Variants in PPP1R9A observed in about 807,000 individuals in gnomAD.
PPP1R9A encodes protein phosphatase 1 regulatory subunit 9A.
A neutral mutation model predicts 141.9 loss-of-function variants in PPP1R9A; 59 were observed. That is an observed-to-expected ratio of 0.42 (90% CI 0.34 to 0.52). The LOEUF is 0.52. PPP1R9A is among the 20% of genes least tolerant of loss of function. The probability of loss-of-function intolerance (pLI) is 0.10; values close to 1 mark genes in which losing one functional copy is unlikely to be tolerated. For missense variants in PPP1R9A, 1,444 were observed against 1,611.9 expected (o/e 0.90, Z 1.78); for synonymous variants, 500 against 569.7 (o/e 0.88, Z 1.74).
intron 5 of PPP1R9A, among the ~76,000 whole-genome samples, chr7:95,192,800 A>G (rs1835699643): frequency 6.6e-6 from 1 of 151,926 alleles, no homozygotes; most frequent in South Asian, 2.1e-4. Context: ...CTCTGAATTC[A>G]TAACTGAAAT....
At chr7:94,915,265 G>C (rs1466944490) in intron 2 of PPP1R9A, among the ~76,000 whole-genome samples, 2 of 152,074 alleles carry the variant, frequency 1.3e-5, no homozygotes, top group Non-Finnish European at 2.9e-5. Flanking sequence ...CTTTTTGGGG[G>C]CTCCGAGTCA....
intron 2 of PPP1R9A, among the ~76,000 whole-genome samples, chr7:95,011,524 C>T (rs1244539697): frequency 2.0e-5 from 3 of 152,166 alleles, no homozygotes; most frequent in Non-Finnish European, 2.9e-5. Context: ...GATTCCTTTT[C>T]TGCTCTTCTG....
At chr7:95,079,099 G>A (rs753402105) in intron 2 of PPP1R9A, among the ~76,000 whole-genome samples, 6 of 152,296 alleles carry the variant, frequency 3.9e-5, no homozygotes, top group East Asian at 1.9e-4. Flanking sequence ...TTCTTCTAGC[G>A]TATTTATGGT....
Position 95,148,191 on chromosome 7 carries a change from G to T in PPP1R9A, c.1650-13676G>T, listed in dbSNP as rs1015019643. Among the ~76,000 whole-genome samples, 4 of 152,130 alleles carry T rather than the reference G, an allele frequency of 2.6e-5. No homozygotes were observed. In the East Asian group the frequency reaches 7.7e-4, roughly 29 times the overall value. On this transcript the variant is annotated intron_variant, in intron 4 of 19. Transcript: ENST00000433360. ...TAAATCCAAAGTAAGGAGAACAAAA[G>T]AAATAATAAAAATTAGGGCAGAATT...
intron 2 of PPP1R9A, among the ~76,000 whole-genome samples, chr7:95,098,527 T>C (rs546984596): frequency 6.6e-6 from 1 of 152,302 alleles, no homozygotes; most frequent in African/African-American, 2.4e-5. Context: ...TCTGCACTAA[T>C]GTTAACCTTC....
intron 2 of PPP1R9A, among the ~76,000 whole-genome samples, chr7:95,080,693 T>G (rs894161792): frequency 1.6e-4 from 25 of 152,156 alleles, no homozygotes; most frequent in African/African-American, 1.9e-4. Context: ...CAAACTATAC[T>G]TCTACTCTGT....
At chr7:95,141,565 C>T (rs1460747378) in intron 4 of PPP1R9A, among the ~76,000 whole-genome samples, 1 of 152,000 alleles carries the variant, frequency 6.6e-6, no homozygotes, top group Non-Finnish European at 1.5e-5. Context: ...AATCTACTTT[C>T]TGTCTCTATA....
chr7:95,092,540 A>G (rs1190763420), intron 2 of PPP1R9A, among the ~76,000 whole-genome samples: 1 of 152,120 alleles, frequency 6.6e-6, no homozygotes, highest in Non-Finnish European at 1.5e-5. Flanking sequence ...GTTTGAATGA[A>G]TGAATGAAGT....
chr7:94,917,920 T>C (rs888169066), intron 2 of PPP1R9A, among the ~76,000 whole-genome samples: 1 of 152,218 alleles, frequency 6.6e-6, no homozygotes, highest in Non-Finnish European at 1.5e-5. Context: ...GCATTAGATT[T>C]TTTTCTAACA....
intron 4 of PPP1R9A, among the ~76,000 whole-genome samples, chr7:95,133,526 T>C (rs1370684580): frequency 6.8e-6 from 1 of 147,336 alleles, no homozygotes; most frequent in Non-Finnish European, 1.5e-5. Context: ...TATATATATA[T>C]ATATATATAT....
intron 2 of PPP1R9A, among the ~76,000 whole-genome samples, chr7:95,010,690 T>C (rs2151618028): frequency 6.6e-6 from 1 of 152,192 alleles, no homozygotes; most frequent in African/African-American, 2.4e-5. Flanking sequence ...TTTTTTCCTT[T>C]TTGCCTTCAC....
chr7:95,226,769 T>C (rs1795199727), intron 8 of PPP1R9A, among the ~76,000 whole-genome samples: 1 of 152,176 alleles, frequency 6.6e-6, no homozygotes, highest in Non-Finnish European at 1.5e-5. Flanking sequence ...TGATGCAGTC[T>C]CAGAGTTTGA....
intron 19 of PPP1R9A, among the ~76,000 whole-genome samples, chr7:95,289,322 C>T (rs1354144568): frequency 2.0e-5 from 3 of 152,208 alleles, no homozygotes; most frequent in East Asian, 1.9e-4. Flanking sequence ...GCCCCACCCC[C>T]GCCTCAGCCC....
rs1810216705 is a variant in PPP1R9A at position 95,047,683 on chromosome 7, T to G, written c.1396-63576T>G. On this transcript the variant is annotated intron_variant, in intron 2 of 19. Coordinates refer to ENST00000433360, the MANE Select transcript of PPP1R9A (RefSeq NM_001166160.2). ...TTTTAATGGCCTTAAATTTTCCATT[T>G]AAATTTGCAATAACTTTTGCCAGTT... Among the ~76,000 whole-genome samples, 3 of 152,180 alleles carry G rather than the reference T, an allele frequency of 2.0e-5. 1 individual carries two copies.
intron 2 of PPP1R9A, among the ~76,000 whole-genome samples, chr7:94,948,537 G>C (rs893085807): frequency 1.3e-5 from 2 of 152,182 alleles, no homozygotes; most frequent in Middle Eastern, 6.8e-3. Context: ...TCCCAAAGAT[G>C]CTGATGATTT....
intron 3 of PPP1R9A, among the ~76,000 whole-genome samples, chr7:95,117,403 CTCTT>C (rs2152469856): frequency 6.6e-6 from 1 of 152,200 alleles, no homozygotes; most frequent in East Asian, 1.9e-4. Flanking sequence ...GTTGATTGTG[CTCTT>C]TCTTGTATTG....
intron 5 of PPP1R9A, among the ~76,000 whole-genome samples, chr7:95,175,529 AT>A (rs1180556230): frequency 2.6e-5 from 4 of 152,102 alleles, no homozygotes; most frequent in African/African-American, 9.6e-5. Flanking sequence ...AGACATGGTA[AT>A]AATTATAAAG....
intron 3 of PPP1R9A, among the ~76,000 whole-genome samples, chr7:95,116,064 G>T (rs12540174): frequency 0.11 from 16,119 of 151,926 alleles, 944 homozygotes; most frequent in East Asian, 0.17. Flanking sequence ...TGTCAAATTG[G>T]TATGAAAAGA....
rs187160611 is a variant in PPP1R9A at position 95,248,291 on chromosome 7, C to G, written c.2166+765C>G. ...CCTCCCCCGCCCCCAATCACCACCACCACTACCACTAATGATCTCTTTTGT... is the reference window on the plus strand; with the variant it reads ...CCTCCCCCGCCCCCAATCACCACCAGCACTACCACTAATGATCTCTTTTGT... On this transcript the variant is annotated intron_variant, in intron 9 of 19. Transcript: ENST00000433360. 4.1e-3 allele frequency among the ~76,000 whole-genome samples: 599 copies of G among 147,228 alleles called. 3 individuals carry two copies. Among genetic ancestry groups the G allele is most frequent in the South Asian group, 0.014 (63 of 4,440 alleles).
Sources: allele counts gnomAD v4.1 joint callset (sites outside exome capture counted in the v4.1 genomes callset), GRCh38; gene constraint gnomAD v4.1.1; transcripts MANE v1.5; gene names NCBI Gene and HGNC (gene_info 2026-07-23, HGNC 2026-07-21).